CADPS2: variants seen among roughly 807,000 people sequenced by gnomAD.
CADPS2 encodes calcium dependent secretion activator 2.
In CADPS2, 93 loss-of-function variants were observed where a neutral mutation model predicts 172.5. The ratio of observed to expected loss-of-function variants is 0.54; its 90% CI spans 0.46 to 0.64. The LOEUF (loss-of-function observed/expected upper bound fraction) is 0.64, where lower values mean the gene tolerates loss of function less well. Among genes scored for constraint, CADPS2 ranks in the 30% least tolerant of loss-of-function variants. The pLI is 0.00. For synonymous variants in CADPS2, 546 were observed against 555.2 expected, an observed-to-expected ratio of 0.98 and a Z score of 0.23; for missense variants, 1,420 against 1,565.9, an observed-to-expected ratio of 0.91 and a Z score of 1.57.
At position 122,886,137 on chromosome 7, in the gene CADPS2, C is replaced by T; in HGVS notation, c.201G>A (p.Gly67=). Residue 67 remains glycine, a synonymous_variant, in exon 1 of 30, where the codon GGG becomes GGA. Transcript: ENST00000449022. ...VSPSPSVLSE[G]RDEPQRQLDD... is the part of the protein sequence containing the mutation. ...CCAGCTGCCGCTGGGGCTCGTCTCG[C>T]CCCTCGCTGAGCACAGAGGGGCTCG... The T allele has an allele frequency of 6.4e-7, 1 of 1,553,148 alleles. No homozygotes were observed. The highest frequency in any genetic ancestry group is 8.7e-7 in the Non-Finnish European group (1 of 1,149,132).
chr7:122,376,260 A>ATTTCAATT (rs2151315285), intron 25 of CADPS2, among the ~76,000 whole-genome samples: 1 of 152,304 alleles, frequency 6.6e-6, no homozygotes, highest in East Asian at 1.9e-4. Flanking sequence ...AGTATATCAG[A>ATTTCAATT]GAGATATCTG....
chr7:122,424,893 C>CTGGA (rs2048957446), intron 17 of CADPS2, among the ~76,000 whole-genome samples: 1 of 152,114 alleles, frequency 6.6e-6, no homozygotes, highest in Non-Finnish European at 1.5e-5. Flanking sequence ...CTGGATAGCT[C>CTGGA]TGGATATAAC....
At chr7:122,801,461 T>G (rs1324302411) in intron 1 of CADPS2, among the ~76,000 whole-genome samples, 1 of 152,236 alleles carries the variant, frequency 6.6e-6, no homozygotes, top group African/African-American at 2.4e-5. Context: ...GCTAACAAAA[T>G]GTATTAGCAA....
At chr7:122,616,418 G>A (rs1022053412) in intron 5 of CADPS2, among the ~76,000 whole-genome samples, 3 of 152,000 alleles carry the variant, frequency 2.0e-5, no homozygotes, top group South Asian at 4.1e-4. Context: ...TCTTAAAAGT[G>A]TTCTTCCTTT....
At chr7:122,404,515 C>G (rs969389831) in intron 20 of CADPS2, among the ~76,000 whole-genome samples, 1 of 152,074 alleles carries the variant, frequency 6.6e-6, no homozygotes. Context: ...CCCAGTAATG[C>G]GATTGCTGGG....
intron 1 of CADPS2, among the ~76,000 whole-genome samples, chr7:122,766,726 G>A (rs2093561764): frequency 6.6e-6 from 1 of 152,110 alleles, no homozygotes; most frequent in South Asian, 2.1e-4. Flanking sequence ...TTAAAACTTT[G>A]TAGAACACAG....
chr7:122,657,066 A>T (rs1327592648), intron 3 of CADPS2, among the ~76,000 whole-genome samples: 1 of 152,144 alleles, frequency 6.6e-6, no homozygotes, highest in Admixed American at 6.5e-5. Flanking sequence ...TAAATAGGGA[A>T]TCCTTTCCCC....
intron 9 of CADPS2, among the ~76,000 whole-genome samples, chr7:122,501,250 T>C (rs2059173555): frequency 6.6e-6 from 1 of 151,986 alleles, no homozygotes; most frequent in South Asian, 2.1e-4. Context: ...GTGAACTCTG[T>C]CTCAAAAACA....
At chr7:122,495,407 A>C (rs1375464380) in intron 9 of CADPS2, among the ~76,000 whole-genome samples, 4 of 152,224 alleles carry the variant, frequency 2.6e-5, no homozygotes, top group Non-Finnish European at 5.9e-5. Context: ...GATAAACATC[A>C]AGTACTTTTT....
intron 1 of CADPS2, among the ~76,000 whole-genome samples, chr7:122,882,126 T>C (rs1338621429): frequency 6.6e-6 from 1 of 152,190 alleles, no homozygotes; most frequent in African/African-American, 2.4e-5. Flanking sequence ...CACCCAATAC[T>C]ATTTCCCCAA....
chr7:122,882,819 A>T (rs1277084417), intron 1 of CADPS2, among the ~76,000 whole-genome samples: 1 of 152,132 alleles, frequency 6.6e-6, no homozygotes, highest in Non-Finnish European at 1.5e-5. Flanking sequence ...AATCAGGGTA[A>T]ATCAGCATTA....
At position 122,705,581 on chromosome 7, in the gene CADPS2, T is replaced by C. The variant is rs1156354769; in HGVS notation, c.453+31374A>G. 2.0e-4 allele frequency among the ~76,000 whole-genome samples: 23 copies of C among 115,738 alleles called. 1 individual carries two copies. The highest frequency in any genetic ancestry group is 3.4e-4 in the Non-Finnish European group (21 of 60,920). The allele number at this position is 115,738 out of a possible 152,430, so 75.9% of individuals were successfully genotyped here. A position where few individuals can be genotyped will look rare whatever the true frequency, so the allele number is the denominator to read the frequency against. The stretch of plus-strand genomic sequence containing the variant: ...TATATTATATATTATCTATATTATA[T>C]ATTATATAATATATTTTATATATTA... On this transcript the variant is annotated intron_variant, in intron 2 of 29. Coordinates refer to ENST00000449022, the MANE Select transcript of CADPS2 (RefSeq NM_017954.11).
chr7:122,414,182 AT>A, intron 18 of CADPS2, 106 bp from the exon 19 acceptor site: 5 of 674,572 alleles, frequency 7.4e-6, no homozygotes, highest in Non-Finnish European at 1.2e-5. Context: ...ATTTCAGTAT[AT>A]CGTATAGTGA....
chr7:122,325,984 G>A (rs2033759585), intron 28 of CADPS2, among the ~76,000 whole-genome samples: 2 of 151,360 alleles, frequency 1.3e-5, no homozygotes, highest in Non-Finnish European at 2.9e-5. Flanking sequence ...TTTTCTATTA[G>A]CCTGCATGTT....
intron 2 of CADPS2, among the ~76,000 whole-genome samples, chr7:122,705,354 T>C (rs1472709808): frequency 2.0e-5 from 3 of 148,824 alleles, no homozygotes; most frequent in African/African-American, 4.9e-5. Flanking sequence ...CAGCCAAATA[T>C]TGAAGAGTTT....
intron 2 of CADPS2, among the ~76,000 whole-genome samples, chr7:122,665,814 T>C (rs1056592918): frequency 6.6e-6 from 1 of 152,324 alleles, no homozygotes; most frequent in East Asian, 1.9e-4. Context: ...CCTCTCTCTT[T>C]ACCAGCTCTG....
At chr7:122,656,314 T>G (rs2471187) in intron 3 of CADPS2, among the ~76,000 whole-genome samples, 78,631 of 151,914 alleles carry the variant, frequency 0.52, 20,623 homozygotes, top group East Asian at 0.73. Flanking sequence ...CAGATCCTTC[T>G]CTCTAGCAAA....
intron 6 of CADPS2, among the ~76,000 whole-genome samples, chr7:122,585,931 A>G (rs1170658563): frequency 6.6e-6 from 1 of 152,000 alleles, no homozygotes; most frequent in Non-Finnish European, 1.5e-5. Context: ...ATTTCTAAGG[A>G]CTTATCCTAT....
At chr7:122,776,145 C>T (rs1298329144) in intron 1 of CADPS2, among the ~76,000 whole-genome samples, 2 of 152,110 alleles carry the variant, frequency 1.3e-5, no homozygotes, top group East Asian at 3.9e-4. Flanking sequence ...CCATAATCCC[C>T]AGGTGTCATG....
Sources: allele counts gnomAD v4.1 joint callset (sites outside exome capture counted in the v4.1 genomes callset), GRCh38; gene constraint gnomAD v4.1.1; transcripts MANE v1.5; gene names NCBI Gene and HGNC (gene_info 2026-07-23, HGNC 2026-07-21).